TBX1: variants seen among roughly 807,000 people sequenced by gnomAD.
TBX1 encodes the protein T-box transcription factor TBX1.
A neutral mutation model predicts 40.8 loss-of-function variants in TBX1; 16 were observed. That is an observed-to-expected ratio of 0.39 (90% CI 0.27 to 0.60). The LOEUF (loss-of-function observed/expected upper bound fraction) is 0.60. Among genes scored for constraint, TBX1 ranks in the 20% least tolerant of loss-of-function variants. TBX1 has a pLI of 0.51. For missense variants in TBX1, 755 were observed against 728.5 expected, an observed-to-expected ratio of 1.04 and a Z score of -0.42; for synonymous variants, 403 against 336.8, an observed-to-expected ratio of 1.20 and a Z score of -2.15.
chr22:19,765,650 C>T, intron 4 of TBX1, 108 bp from the exon 5 acceptor site: 1 of 1,239,772 alleles, frequency 8.1e-7, no homozygotes, highest in Non-Finnish European at 1.1e-6. Flanking sequence ...GTCAGGGCAG[C>T]AGAAAGGCCC....
At chr22:19,757,978 T>C (rs1936524381), upstream of TBX1, among the ~76,000 whole-genome samples, 1 of 152,062 alleles carries the variant, frequency 6.6e-6, no homozygotes, top group Admixed American at 6.5e-5. Context: ...AGGCACCCCA[T>C]ACAGGCAGCA....
At position 19,767,010 on chromosome 22, in the gene TBX1, G is replaced by A. The variant is rs1936884985; in HGVS notation, c.*143G>A. The A allele has an allele frequency of 4.4e-6, 6 of 1,367,096 alleles. No individual in the cohort carries two copies. In the South Asian group the frequency reaches 4.9e-5, roughly 11 times the overall value. The allele number at this position is 1,367,096 out of a possible 1,614,324, so 84.7% of individuals were successfully genotyped here. ...GGCTCTCCCCTTCCCCAGCCTCGAAGCCATGGGGGCCCCCTCGCCACCCCC... is the reference window on the plus strand; with the variant it reads ...GGCTCTCCCCTTCCCCAGCCTCGAAACCATGGGGGCCCCCTCGCCACCCCC... On this transcript the variant is annotated 3_prime_UTR_variant, in exon 7 of 7. Transcript: ENST00000649276.
chr22:19,766,824 C>A lies in TBX1; in HGVS notation c.1472C>A (p.Ala491Asp). 1 of 1,562,948 alleles carries A rather than the reference C, an allele frequency of 6.4e-7. No individual in the cohort carries two copies. The highest frequency in any genetic ancestry group is 8.6e-7 in the Non-Finnish European group (1 of 1,165,588). ...AAAAANMYSS[A>D]GAAPPGSYDY... ...GCGGCCGCCAACATGTACTCGTCGG[C>A]CGGAGCCGCGCCGCCCGGCTCCTAC... The change falls in exon 7 of 7, where the codon GCC becomes GAC. Residue 491 changes from alanine (A) to aspartate (D), a missense_variant. Ala to Asp is a moderately radical substitution (Grantham distance 126, BLOSUM62 -2). Transcript: ENST00000649276.
Position 19,764,944 on chromosome 22 carries a change from A to G in TBX1, c.712-14A>G, listed in dbSNP as rs1454069039. 1.2e-6 allele frequency: 2 copies of G among 1,613,650 alleles called. No individual in the cohort carries two copies. The highest frequency in any genetic ancestry group is 1.3e-5 in the African/African-American group (1 of 74,938). ...GCCCCACCGCTGGAGCTGATTCCCC[A>G]CCTTGTCTTCCAGATTATTCTGAAT... On this transcript the variant is annotated splice_polypyrimidine_tract_variant and intron_variant, in intron 3 of 6. Transcript: ENST00000649276.
At chr22:19,767,860 A>G (rs1169905801), downstream of TBX1, among the ~76,000 whole-genome samples, 5 of 152,102 alleles carry the variant, frequency 3.3e-5, no homozygotes, top group Non-Finnish European at 5.9e-5. Flanking sequence ...TTCTGCTAGC[A>G]TTTCCCCTGC....
upstream of TBX1, among the ~76,000 whole-genome samples, chr22:19,758,190 T>G (rs937240161): frequency 6.6e-6 from 1 of 152,170 alleles, no homozygotes; most frequent in African/African-American, 2.4e-5. Context: ...CTAAAAACCC[T>G]GGGAGAGGTT....
At chr22:19,769,867 G>A (rs1601298945), downstream of TBX1, among the ~76,000 whole-genome samples, 1 of 152,374 alleles carries the variant, frequency 6.6e-6, no homozygotes, top group East Asian at 1.9e-4. Context: ...ACTGTCCATT[G>A]TTGATAAGCC....
chr22:19,760,577 C>G (rs1201692994), upstream of TBX1, among the ~76,000 whole-genome samples: 3 of 136,366 alleles, frequency 2.2e-5, no homozygotes, highest in Non-Finnish European at 4.8e-5. Flanking sequence ...GGGCCCCGGG[C>G]CGAGCGAGCC....
In TBX1 at chr22:19,766,741, C is replaced by T. The variant is rs771471094; in HGVS notation, c.1389C>T (p.His463=). The T allele has an allele frequency of 3.3e-6, 5 of 1,537,606 alleles. No individual in the cohort carries two copies. The highest frequency in any genetic ancestry group is 2.6e-5 in the East Asian group (1 of 38,174). ...HGYHPHAHPH[H]HHHPVSPAAA... ...ACCACCCGCACGCGCATCCGCACCA[C>T]CACCACCACCCCGTGAGTCCAGCCG... The change falls in exon 7 of 7, where the codon CAC becomes CAT. Residue 463 remains histidine (H), a synonymous_variant. Transcript: ENST00000649276.
At chr22:19,761,359 A>G in intron 1 of TBX1, 79 bp downstream of exon 1, 1 of 1,394,426 alleles carries the variant, frequency 7.2e-7, no homozygotes, top group Non-Finnish European at 9.4e-7. Flanking sequence ...GATCCGCGCG[A>G]GCGGGGCCGA....
downstream of TBX1, among the ~76,000 whole-genome samples, chr22:19,780,776 G>GGTTTTTTTT (rs1555898567): frequency 1.7e-5 from 2 of 119,104 alleles, no homozygotes; most frequent in African/African-American, 6.8e-5. Context: ...CTTGTTTTCT[G>GGTTTTTTTT]TTTTTTTTTT....
chr22:19,760,171 A>G (rs1446900320), upstream of TBX1, among the ~76,000 whole-genome samples: 2 of 151,882 alleles, frequency 1.3e-5, no homozygotes, highest in Non-Finnish European at 2.9e-5. Flanking sequence ...AATTTAAGAC[A>G]GAAAGCGAAG....
rs756699313 is a variant in TBX1, at chr22:19,766,633, T to C, written c.1281T>C (p.Tyr427=). 5.2e-6 allele frequency: 8 copies of C among 1,546,686 alleles called. No individual in the cohort carries two copies. Among genetic ancestry groups the C allele is most frequent in the Non-Finnish European group, 6.1e-6 (7 of 1,155,182 alleles). ...CGCTGCACCACCACCCCTACAAATA[T>C]CCGGCCGCCGCCTACGACCACTATC... ...SEPLHHHPYK[Y]PAAAYDHYLG... Residue 427 remains tyrosine, a synonymous_variant, in exon 7 of 7, where the codon TAT becomes TAC. Transcript: ENST00000649276.
chr22:19,775,386 C>T (rs1403025360), intron 8 of TBX1, among the ~76,000 whole-genome samples: 4 of 152,208 alleles, frequency 2.6e-5, no homozygotes, highest in African/African-American at 9.6e-5. Context: ...TGAGGCGCTG[C>T]GCCCAGCCAA....
At position 19,776,649 on chromosome 22, in the gene TBX1, A is replaced by G. The variant is rs551464893; in HGVS notation, c.1010-2571A>G. Among the ~76,000 whole-genome samples the G allele has an allele frequency of 2.0e-5, 3 of 152,298 alleles. No individual in the cohort carries two copies. The East Asian group carries it at 5.8e-4, about 29-fold the overall frequency. ...CTGAAAAGCAGAACCGCATGTGATC[A>G]GTCTGGGTGGGCAAGACTTCAAGAG... is the stretch of plus-strand genomic sequence containing the variant. On this transcript the variant is annotated intron_variant, in intron 8 of 8. Coordinates refer to the TBX1 transcript ENST00000329705.
chr22:19,766,653 A>G lies in TBX1; in HGVS notation c.1301A>G (p.His434Arg), dbSNP rs569976109. The change falls in exon 7 of 7, where the codon CAC becomes CGC. Residue 434 changes from histidine (H) to arginine (R), a missense_variant. This residue lies in a region of TBX1 where 412 missense variants were observed against 317.6 expected (regional missense o/e 1.30). Coordinates refer to ENST00000649276, the MANE Select transcript of TBX1 (RefSeq NM_001379200.1). Reference sequence around the variant, plus strand: ...AAATATCCGGCCGCCGCCTACGACCACTATCTCGGGGCCAAGAGCCGGCCG... The same window carrying G: ...AAATATCCGGCCGCCGCCTACGACCGCTATCTCGGGGCCAAGAGCCGGCCG... ...PYKYPAAAYD[H>R]YLGAKSRPAP... is the part of the protein sequence containing the mutation. 15 of 1,552,232 alleles carry G rather than the reference A, an allele frequency of 9.7e-6. No individual in the cohort carries two copies. The African/African-American group carries it at 2.0e-4, about 21-fold the overall frequency.
chr22:19,779,395 C>T lies in TBX1; in HGVS notation c.1185C>T (p.Asp395=), dbSNP rs765655371. The T allele has an allele frequency of 4.2e-5, 67 of 1,614,092 alleles. 1 individual carries two copies. The East Asian group carries it at 1.3e-3, about 31-fold the overall frequency. Residue 395 remains aspartate (D), a synonymous_variant, in exon 9 of 9, where the codon GAC becomes GAT. Coordinates refer to the TBX1 transcript ENST00000329705. ...TGGTGGCTGGGAGGACCGCAGGTGA[C>T]CGTCTTTGTTGAATGCTGAGGCCGG...
chr22:19,762,656 A>G (rs958432371), intron 1 of TBX1, among the ~76,000 whole-genome samples: 12 of 151,994 alleles, frequency 7.9e-5, no homozygotes, highest in Admixed American at 2.6e-4. Flanking sequence ...CTGTGCCCTG[A>G]GGAAGGTGGG....
At position 19,766,989 on chromosome 22, in the gene TBX1, C is replaced by A. The variant is rs1294019577; in HGVS notation, c.*122C>A. The A allele has an allele frequency of 2.1e-6, 3 of 1,436,152 alleles. No homozygotes were observed. The highest frequency in any genetic ancestry group is 2.7e-6 in the Non-Finnish European group (3 of 1,096,686). The allele number at this position is 1,436,152 out of a possible 1,614,324, so 89.0% of individuals were successfully genotyped here. Reference sequence around the variant, plus strand: ...CCCAGCCCCAGGGGCCACCGCGGCTCTCCCCTTCCCCAGCCTCGAAGCCAT... The same window carrying A: ...CCCAGCCCCAGGGGCCACCGCGGCTATCCCCTTCCCCAGCCTCGAAGCCAT... On this transcript the variant is annotated 3_prime_UTR_variant, in exon 7 of 7. Coordinates refer to ENST00000649276, the MANE Select transcript of TBX1 (RefSeq NM_001379200.1).
Sources: allele counts gnomAD v4.1 joint callset (sites outside exome capture counted in the v4.1 genomes callset), GRCh38; gene constraint gnomAD v4.1.1; regional missense constraint gnomAD v4.1.1; transcripts MANE v1.5; gene names NCBI Gene and HGNC (gene_info 2026-07-23, HGNC 2026-07-21).